Variants in DCAF8L2 observed in about 807,000 individuals in gnomAD.
DCAF8L2 encodes the protein DDB1- and CUL4-associated factor 8-like protein 2.
For synonymous variants in DCAF8L2, 200 were observed against 190.9 expected, an observed-to-expected ratio of 1.05 and a Z score of -0.39; for missense variants, 430 against 490.7, an observed-to-expected ratio of 0.88 and a Z score of 1.17.
intron 1 of DCAF8L2, among the ~76,000 whole-genome samples, chrX:27,625,882 G>A (rs957194966): frequency 7.2e-5 from 8 of 111,034 alleles, no homozygotes; most frequent in African/African-American, 2.6e-4. Context: ...GGAGGAGGGT[G>A]AGGACCAAAA....
chrX:27,501,839 T>A, the DCAF8L2 span, among the ~76,000 whole-genome samples: 1 of 110,407 alleles, frequency 9.1e-6, no homozygotes, highest in Non-Finnish European at 1.9e-5. Context: ...TAGTGGAGAA[T>A]CGTGTTTTCA....
chrX:27,572,875 G>A, the DCAF8L2 span, among the ~76,000 whole-genome samples: 1 of 111,410 alleles, frequency 9.0e-6, no homozygotes, highest in Non-Finnish European at 1.9e-5. Flanking sequence ...CTCAAAGCAT[G>A]ATCTGAATAA....
chrX:27,710,365 A>G (rs754290349), intron 3 of DCAF8L2, among the ~76,000 whole-genome samples: 53 of 111,806 alleles, frequency 4.7e-4, no homozygotes, highest in African/African-American at 1.6e-3. Context: ...TGTTGAATAT[A>G]TAGATAAATT....
In DCAF8L2 at chrX:27,733,372, T is replaced by C. The variant is rs1444498255; in HGVS notation, c.-58-13466T>C. ...TCATGTCCTTTGGCCATATTTTAAT[T>C]CGGTATTATTTTTATTATCGCCATT... On this transcript the variant is annotated intron_variant, in intron 4 of 4. Coordinates refer to ENST00000451261, the MANE Select transcript of DCAF8L2 (RefSeq NM_001353450.2). Among the ~76,000 whole-genome samples the C allele has an allele frequency of 3.6e-5, 4 of 112,200 alleles. No individual in the cohort carries two copies. In the East Asian group the frequency reaches 1.1e-3, roughly 31 times the overall value.
At chrX:27,745,767 A>C (rs1482892678) in intron 4 of DCAF8L2, among the ~76,000 whole-genome samples, 1 of 111,996 alleles carries the variant, frequency 8.9e-6, no homozygotes, top group Non-Finnish European at 1.9e-5. Context: ...TAGATAATTC[A>C]TTCAGAGAAA....
the DCAF8L2 span, among the ~76,000 whole-genome samples, chrX:27,499,691 A>C: frequency 9.0e-6 from 1 of 110,819 alleles, no homozygotes; most frequent in East Asian, 2.9e-4. Context: ...CGAAGGGGGA[A>C]GTGCTACACA....
intron 2 of DCAF8L2, among the ~76,000 whole-genome samples, chrX:27,661,167 T>C (rs1390756357): frequency 1.8e-5 from 2 of 111,917 alleles, no homozygotes; most frequent in Non-Finnish European, 3.8e-5. Flanking sequence ...TTAGGGCTTG[T>C]GACTGCTGAG....
Position 27,672,266 on chromosome X carries a change from A to G in DCAF8L2, c.-219-5570A>G, listed in dbSNP as rs747874967. ...CAGCTTATCTAAAGGTAGTCAAAGGACTGAGGTAATGCCAAGCACAGGGCC... is the reference window on the plus strand; with the variant it reads ...CAGCTTATCTAAAGGTAGTCAAAGGGCTGAGGTAATGCCAAGCACAGGGCC... On this transcript the variant is annotated intron_variant, in intron 2 of 4. Transcript: ENST00000451261. Among the ~76,000 whole-genome samples, 158 of 112,000 alleles carry G rather than the reference A, an allele frequency of 1.4e-3. 1 individual carries two copies. Among genetic ancestry groups the G allele is most frequent in the Non-Finnish European group, 2.4e-3 (130 of 53,173 alleles).
In DCAF8L2 at chrX:27,631,891, T is replaced by A. The variant is rs1049485692; in HGVS notation, c.-329T>A. 3 of 112,109 alleles carry A rather than the reference T, an allele frequency of 2.7e-5. No individual in the cohort carries two copies. Among genetic ancestry groups the A allele is most frequent in the African/African-American group, 9.7e-5 (3 of 30,839 alleles). The allele number at this position is 112,109 out of a possible 1,213,427, so 9.2% of individuals were successfully genotyped here. A position where few individuals can be genotyped will look rare whatever the true frequency, so the allele number is the denominator to read the frequency against. On this transcript the variant is annotated 5_prime_UTR_variant, in exon 2 of 5. An upstream open reading frame in the 5' UTR loses its in-frame stop. Transcript: ENST00000451261. ...CTCTGTCCCACAGGTTTTGGTATACTGAGCCTGGGGCTACTGGTGTCAGCC... is the reference window on the plus strand; with the variant it reads ...CTCTGTCCCACAGGTTTTGGTATACAGAGCCTGGGGCTACTGGTGTCAGCC...
chrX:27,736,345 C>A (rs1480027361), intron 4 of DCAF8L2, among the ~76,000 whole-genome samples: 1 of 111,687 alleles, frequency 9.0e-6, no homozygotes, highest in African/African-American at 3.3e-5. Flanking sequence ...CTTTTATCTG[C>A]ACTATTCTGA....
upstream of DCAF8L2, among the ~76,000 whole-genome samples, chrX:27,588,778 G>T (rs770789858): frequency 9.1e-6 from 1 of 110,344 alleles, no homozygotes; most frequent in Admixed American, 9.7e-5. Flanking sequence ...ATGATTTGTG[G>T]AAGTAAGTGG....
chrX:27,490,149 C>A, the DCAF8L2 span, among the ~76,000 whole-genome samples: 76 of 111,916 alleles, frequency 6.8e-4, 1 homozygote, highest in East Asian at 9.9e-3. Flanking sequence ...CTGTTCCTGG[C>A]CTTATTTTGC....
the DCAF8L2 span, among the ~76,000 whole-genome samples, chrX:27,475,089 T>C: frequency 9.0e-6 from 1 of 111,572 alleles, no homozygotes; most frequent in African/African-American, 3.3e-5. Context: ...ATTGGTTTTC[T>C]TGTGAAAATA....
chrX:27,692,116 C>T (rs1031649515), intron 3 of DCAF8L2, among the ~76,000 whole-genome samples: 2 of 111,751 alleles, frequency 1.8e-5, no homozygotes, highest in African/African-American at 6.5e-5. Flanking sequence ...CAAAAAGTGA[C>T]TGGCATCTTC....
At chrX:27,627,535 T>TG (rs200540306) in intron 1 of DCAF8L2, 17,997 of 73,115 alleles carry the variant, frequency 0.25, 1,567 homozygotes, top group Non-Finnish European at 0.31. Flanking sequence ...TTGTTGTTTT[T>TG]GTTGTGTGTG....
chrX:27,694,786 T>C (rs949097896), intron 3 of DCAF8L2, among the ~76,000 whole-genome samples: 10 of 111,908 alleles, frequency 8.9e-5, no homozygotes, highest in African/African-American at 2.9e-4. Context: ...AGATTGGAGA[T>C]AGTCATATAC....
At chrX:27,514,152 G>A in the DCAF8L2 span, among the ~76,000 whole-genome samples, 1 of 110,337 alleles carries the variant, frequency 9.1e-6, no homozygotes, top group African/African-American at 3.3e-5. Context: ...GTATATGTAT[G>A]TGTGTGCATG....
chrX:27,693,003 C>T (rs1194406650), intron 3 of DCAF8L2, among the ~76,000 whole-genome samples: 1 of 111,646 alleles, frequency 9.0e-6, no homozygotes, highest in African/African-American at 3.3e-5. Context: ...TTTTGTTATG[C>T]AATATATGTG....
chrX:27,645,584 A>G (rs1446392657), intron 2 of DCAF8L2, among the ~76,000 whole-genome samples: 1 of 111,933 alleles, frequency 8.9e-6, no homozygotes, highest in Admixed American at 9.5e-5. Flanking sequence ...CTCAAAAGAA[A>G]TAAATAAAGG....
Sources: gnomAD v4.1 joint callset for allele counts (sites outside exome capture counted in the v4.1 genomes callset) on GRCh38, gnomAD v4.1.1 for gene constraint, MANE v1.5 for transcripts, NCBI Gene and HGNC (gene_info 2026-07-23, HGNC 2026-07-21) for gene names.